MIS18A: variants seen among roughly 807,000 people sequenced by gnomAD.
MIS18A encodes protein Mis18-alpha.
MIS18A carries 14 observed loss-of-function variants against 25.0 expected under a neutral mutation model. That is an observed-to-expected ratio of 0.56 (90% confidence interval 0.37 to 0.88). The LOEUF (loss-of-function observed/expected upper bound fraction) is 0.88. Among genes scored for constraint, MIS18A ranks in the 40% least tolerant of loss-of-function variants. MIS18A has a pLI of 0.00. For synonymous variants in MIS18A, 134 were observed against 118.6 expected (o/e 1.13, Z -0.84); for missense variants, 292 against 290.8 (o/e 1.00, Z -0.03).
the MIS18A span, chr21:32,261,654 C>A: frequency 6.6e-6 from 1 of 152,260 alleles, no homozygotes; most frequent in African/African-American, 2.4e-5. Context: ...GCTAACACTC[C>A]AATGGCAGGA....
the MIS18A span, among the ~76,000 whole-genome samples, chr21:32,251,576 GC>G: frequency 6.6e-6 from 1 of 152,128 alleles, no homozygotes. Context: ...AACCCTGTCA[GC>G]CCCCAAAGAG....
At chr21:32,221,302 C>A in the MIS18A span, among the ~76,000 whole-genome samples, 1 of 152,112 alleles carries the variant, frequency 6.6e-6, no homozygotes, top group East Asian at 1.9e-4. Context: ...CCCTACAAGC[C>A]AGAAGAGAAT....
chr21:32,214,741 C>T, the MIS18A span, among the ~76,000 whole-genome samples: 1 of 152,234 alleles, frequency 6.6e-6, no homozygotes, highest in South Asian at 2.1e-4. Context: ...ATGTTACCTA[C>T]AGCACAAGGA....
chr21:32,169,015 G>A, the MIS18A span, among the ~76,000 whole-genome samples: 1 of 152,134 alleles, frequency 6.6e-6, no homozygotes, highest in Non-Finnish European at 1.5e-5. Context: ...AGCAGAATTG[G>A]TCAAAATCAC....
At chr21:32,231,545 G>A in the MIS18A span, among the ~76,000 whole-genome samples, 2 of 152,130 alleles carry the variant, frequency 1.3e-5, no homozygotes, top group African/African-American at 2.4e-5. Context: ...AATAAGTGTT[G>A]GCAAGGATGT....
the MIS18A span, among the ~76,000 whole-genome samples, chr21:32,248,884 A>C: frequency 1.3e-5 from 2 of 152,246 alleles, no homozygotes; most frequent in African/African-American, 4.8e-5. Flanking sequence ...TGTTAGGAAC[A>C]GTAAACTTGC....
downstream of MIS18A, among the ~76,000 whole-genome samples, chr21:32,267,980 A>G (rs1246802063): frequency 2.0e-5 from 3 of 152,220 alleles, no homozygotes; most frequent in East Asian, 5.8e-4. Flanking sequence ...TGCTCTGAGA[A>G]CTTTAGTATT....
chr21:32,167,422 T>C, the MIS18A span, among the ~76,000 whole-genome samples: 3 of 152,184 alleles, frequency 2.0e-5, no homozygotes, highest in Non-Finnish European at 2.9e-5. Context: ...ACCCAGATAA[T>C]TGGAATTTAT....
At chr21:32,215,469 A>G in the MIS18A span, among the ~76,000 whole-genome samples, 1 of 152,126 alleles carries the variant, frequency 6.6e-6, no homozygotes, top group Non-Finnish European at 1.5e-5. Flanking sequence ...CTGGTAGGCC[A>G]AGGGGTAGGA....
At chr21:32,244,795 T>C in the MIS18A span, among the ~76,000 whole-genome samples, 1 of 152,138 alleles carries the variant, frequency 6.6e-6, no homozygotes, top group Admixed American at 6.5e-5. Context: ...CAAGAGTTTT[T>C]TGGAAAAGGC....
chr21:32,157,866 T>C, the MIS18A span, among the ~76,000 whole-genome samples: 4,832 of 152,300 alleles, frequency 0.032, 238 homozygotes, highest in African/African-American at 0.11. Flanking sequence ...AACTGTTTAG[T>C]AACCCAAATT....
the MIS18A span, among the ~76,000 whole-genome samples, chr21:32,195,053 T>G: frequency 6.6e-6 from 1 of 152,134 alleles, no homozygotes; most frequent in East Asian, 1.9e-4. Flanking sequence ...GAGTTTTAAA[T>G]AAAATAAAAT....
the MIS18A span, among the ~76,000 whole-genome samples, chr21:32,226,486 A>T: frequency 1.3e-5 from 2 of 152,164 alleles, no homozygotes; most frequent in African/African-American, 2.4e-5. Flanking sequence ...AAAAATCGTT[A>T]CTAGAGACAA....
the MIS18A span, among the ~76,000 whole-genome samples, chr21:32,200,992 T>C: frequency 6.6e-6 from 1 of 152,090 alleles, no homozygotes; most frequent in Admixed American, 6.6e-5. Context: ...GGCTGGGTAA[T>C]TTATAAAGAA....
chr21:32,190,249 G>A, the MIS18A span, among the ~76,000 whole-genome samples: 2,723 of 151,644 alleles, frequency 0.018, 86 homozygotes, highest in African/African-American at 0.062. Flanking sequence ...TTCCCTTCTC[G>A]TGGCATGATT....
At chr21:32,207,787 C>T in the MIS18A span, among the ~76,000 whole-genome samples, 1 of 152,068 alleles carries the variant, frequency 6.6e-6, no homozygotes, top group East Asian at 1.9e-4. Context: ...CAGGATATTA[C>T]ATTTTACAAG....
At chr21:32,232,299 T>G in the MIS18A span, among the ~76,000 whole-genome samples, 2 of 151,868 alleles carry the variant, frequency 1.3e-5, no homozygotes, top group African/African-American at 4.8e-5. Flanking sequence ...CATTCATAGA[T>G]ATAAAGATAT....
At chr21:32,272,364 A>G (rs1313539216) in intron 2 of MIS18A, among the ~76,000 whole-genome samples, 1 of 152,234 alleles carries the variant, frequency 6.6e-6, no homozygotes, top group Non-Finnish European at 1.5e-5. Context: ...CAAGCATCCC[A>G]AAGCAACACG....
the MIS18A span, among the ~76,000 whole-genome samples, chr21:32,205,568 G>A: frequency 6.6e-6 from 1 of 152,112 alleles, no homozygotes; most frequent in African/African-American, 2.4e-5. Context: ...AATGATCTCT[G>A]TGTGTGTTTT....
Sources: gnomAD v4.1 joint callset for allele counts (sites outside exome capture counted in the v4.1 genomes callset) on GRCh38, gnomAD v4.1.1 for gene constraint, MANE v1.5 for transcripts, NCBI Gene and HGNC (gene_info 2026-07-23, HGNC 2026-07-21) for gene names.